Variants in MLLT10 observed in about 807,000 individuals in gnomAD.
The protein encoded by MLLT10 is MLLT10 histone lysine methyltransferase DOT1L cofactor.
In MLLT10, 30 loss-of-function variants were observed where a neutral mutation model predicts 129.1. The ratio of observed to expected loss-of-function variants is 0.23; its 90% CI spans 0.17 to 0.32. MLLT10 has a LOEUF of 0.32. Among genes scored for constraint, MLLT10 ranks in the 10% least tolerant of loss-of-function variants. The pLI is 1.00. For missense variants in MLLT10, 1,119 were observed against 1,268.3 expected (o/e 0.88, Z 1.79); for synonymous variants, 490 against 446.4 (o/e 1.10, Z -1.23).
intron 9 of MLLT10, among the ~76,000 whole-genome samples, chr10:21,655,823 T>C (rs2049520826): frequency 6.6e-6 from 1 of 152,154 alleles, no homozygotes; most frequent in Admixed American, 6.5e-5. Flanking sequence ...AGGGTCGATC[T>C]AAGTTTTTGT....
At chr10:21,543,015 A>G (rs889485890) in intron 3 of MLLT10, among the ~76,000 whole-genome samples, 27 of 151,726 alleles carry the variant, frequency 1.8e-4, no homozygotes, top group Non-Finnish European at 1.3e-4. Flanking sequence ...CTGGAGTGCA[A>G]TGGCGCGATC....
intron 8 of MLLT10, among the ~76,000 whole-genome samples, chr10:21,628,949 A>G (rs1460231214): frequency 6.6e-6 from 1 of 151,130 alleles, no homozygotes; most frequent in Admixed American, 6.6e-5. Context: ...GGGTTTCACC[A>G]TGTTGGCCAG....
At chr10:21,561,060 GT>G (rs1588943634) in intron 3 of MLLT10, among the ~76,000 whole-genome samples, 1 of 152,124 alleles carries the variant, frequency 6.6e-6, no homozygotes, top group African/African-American at 2.4e-5. Flanking sequence ...TTTTCGCTCT[GT>G]TGAGAGTCAT....
chr10:21,646,300 T>G (rs2048468261), intron 8 of MLLT10, among the ~76,000 whole-genome samples: 1 of 152,228 alleles, frequency 6.6e-6, no homozygotes, highest in Admixed American at 6.5e-5. Context: ...AAACCCAGTT[T>G]AACATTTAGG....
In MLLT10 at chr10:21,743,362, T is replaced by A. The variant is rs1833907924; in HGVS notation, c.*1379T>A. 4.7e-6 allele frequency: 1 copy of A among 212,998 alleles called. No homozygotes were observed. The highest frequency in any genetic ancestry group is 1.9e-4 in the South Asian group (1 of 5,378). The allele number at this position is 212,998 out of a possible 1,614,324, so 13.2% of individuals were successfully genotyped here. On this transcript the variant is annotated 3_prime_UTR_variant, in exon 23 of 23. Coordinates refer to ENST00000307729, the MANE Select transcript of MLLT10 (RefSeq NM_001195626.3). ...TCATAAGATAACATTGATATTTTGA[T>A]TTGTAATATTTCTAATTGGTAGATT...
chr10:21,604,325 C>A (rs968811036), intron 5 of MLLT10, among the ~76,000 whole-genome samples: 1 of 152,110 alleles, frequency 6.6e-6, no homozygotes, highest in Admixed American at 6.6e-5. Context: ...CTGGGCATCT[C>A]TGGTGGCTCA....
chr10:21,607,346 G>A (rs1234290204), intron 5 of MLLT10, among the ~76,000 whole-genome samples: 1 of 136,828 alleles, frequency 7.3e-6, no homozygotes, highest in Non-Finnish European at 1.5e-5. Flanking sequence ...TTGAGATGGA[G>A]TTTTGCTCTT....
At chr10:21,544,466 G>T (rs939877443) in intron 3 of MLLT10, among the ~76,000 whole-genome samples, 18 of 152,156 alleles carry the variant, frequency 1.2e-4, no homozygotes, top group African/African-American at 3.9e-4. Context: ...TCTCAGGGAA[G>T]GGGGATTATG....
intron 3 of MLLT10, among the ~76,000 whole-genome samples, chr10:21,581,449 G>T (rs2041447527): frequency 6.6e-6 from 1 of 152,210 alleles, no homozygotes; most frequent in Admixed American, 6.5e-5. Flanking sequence ...AAGCTTACAG[G>T]ACTAGAAGTT....
At chr10:21,562,798 A>C (rs181512921) in intron 3 of MLLT10, among the ~76,000 whole-genome samples, 10 of 143,308 alleles carry the variant, frequency 7.0e-5, no homozygotes, top group African/African-American at 2.6e-4. Context: ...TTGCTGACTT[A>C]CATATACTTT....
At chr10:21,669,156 T>C in intron 9 of MLLT10, 3 of 1,115,016 alleles carry the variant, frequency 2.7e-6, no homozygotes, top group Non-Finnish European at 3.5e-6. Context: ...GTTTGTGGAT[T>C]GTAGTTTGTT....
chr10:21,554,967 G>T (rs548498151), intron 3 of MLLT10, among the ~76,000 whole-genome samples: 1 of 151,316 alleles, frequency 6.6e-6, no homozygotes, highest in African/African-American at 2.4e-5. Flanking sequence ...GATGACAGGC[G>T]CACGCCACCA....
At chr10:21,709,230 C>CTT (rs33993302) in intron 13 of MLLT10, among the ~76,000 whole-genome samples, 5 of 143,550 alleles carry the variant, frequency 3.5e-5, no homozygotes, top group East Asian at 2.0e-4. Context: ...ATTTTATCTG[C>CTT]TTTTTTTTTT....
chr10:21,711,149 G>A (rs1589761942), intron 13 of MLLT10, among the ~76,000 whole-genome samples: 1 of 152,198 alleles, frequency 6.6e-6, no homozygotes, highest in South Asian at 2.1e-4. Context: ...GAGGCCAGAT[G>A]TGGTGGCTCA....
At chr10:21,684,472 T>C (rs1356586157) in intron 13 of MLLT10, among the ~76,000 whole-genome samples, 1 of 152,198 alleles carries the variant, frequency 6.6e-6, no homozygotes, top group Non-Finnish European at 1.5e-5. Flanking sequence ...TAACTTCAAC[T>C]CTACCCTCTC....
chr10:21,675,731 C>G lies in MLLT10; in HGVS notation c.1621+1812C>G, dbSNP rs528372455. Among the ~76,000 whole-genome samples, 5 of 152,186 alleles carry G rather than the reference C, an allele frequency of 3.3e-5. No individual in the cohort carries two copies. The East Asian group carries it at 9.7e-4, about 29-fold the overall frequency. On this transcript the variant is annotated intron_variant, in intron 11 of 22. Coordinates refer to ENST00000307729, the MANE Select transcript of MLLT10 (RefSeq NM_001195626.3). ...GAGTACCTTACTGAGAAAATAAAGC[C>G]TAGATTTGCTTTTGTGGGGAGACCT...
At chr10:21,628,199 TC>T (rs2046641045) in intron 8 of MLLT10, among the ~76,000 whole-genome samples, 1 of 152,190 alleles carries the variant, frequency 6.6e-6, no homozygotes, top group Admixed American at 6.5e-5. Flanking sequence ...TATGGGAACA[TC>T]CGTCTCCTGG....
chr10:21,553,407 C>T (rs1284086005), intron 3 of MLLT10, among the ~76,000 whole-genome samples: 3 of 151,134 alleles, frequency 2.0e-5, no homozygotes, highest in Admixed American at 6.6e-5. Flanking sequence ...CTCACTACAA[C>T]CTCTGCATCC....
intron 3 of MLLT10, among the ~76,000 whole-genome samples, chr10:21,562,780 T>TTTC (rs1225411269): frequency 6.6e-6 from 1 of 151,784 alleles, no homozygotes; most frequent in Non-Finnish European, 1.5e-5. Context: ...AATCTTGCGT[T>TTTC]TTCTTCATTG....
Sources: gnomAD v4.1 joint callset for allele counts (sites outside exome capture counted in the v4.1 genomes callset) on GRCh38, gnomAD v4.1.1 for gene constraint, MANE v1.5 for transcripts, NCBI Gene and HGNC (gene_info 2026-07-23, HGNC 2026-07-21) for gene names.